The following AGXT2 variants were observed in gnomAD, a reference collection of about 807,000 sequenced individuals.
AGXT2 encodes the protein alanine--glyoxylate aminotransferase 2, mitochondrial.
A neutral mutation model predicts 62.5 loss-of-function variants in AGXT2; 61 were observed. That is an observed-to-expected ratio of 0.98 (90% CI 0.79 to 1.21). The LOEUF (loss-of-function observed/expected upper bound fraction) is 1.21. Among genes scored for constraint, AGXT2 ranks in the 50% most tolerant of loss-of-function variants. The probability of loss-of-function intolerance (pLI) is 0.00; values close to 1 mark genes in which losing one functional copy is unlikely to be tolerated. For synonymous variants in AGXT2, 243 were observed against 218.7 expected, an observed-to-expected ratio of 1.11 and a Z score of -0.98; for missense variants, 666 against 641.5, an observed-to-expected ratio of 1.04 and a Z score of -0.41.
rs760186621 is a variant in AGXT2, at chr5:35,032,797, G to A, written c.704C>T (p.Pro235Leu). 1.2e-6 allele frequency: 2 copies of A among 1,607,580 alleles called. No individual in the cohort carries two copies. The highest frequency in any genetic ancestry group is 8.5e-7 in the Non-Finnish European group (1 of 1,176,934). The change falls in exon 7 of 14, where the codon CCT becomes CTT. Residue 235 changes from proline (P) to leucine (L), a missense_variant. Pro to Leu is a moderately conservative substitution (Grantham distance 98). Transcript: ENST00000231420. ...PTMCPDVFRG[P>L]WGGSHCRDSP... Reference sequence around the variant, plus strand: ...ATCTCGACAGTGGCTTCCTCCCCAAGGGCCACGAAAAACATCTGGACACAT... The same window carrying A: ...ATCTCGACAGTGGCTTCCTCCCCAAAGGCCACGAAAAACATCTGGACACAT...
chr5:35,027,674 AT>A (rs1200783018), intron 7 of AGXT2, among the ~76,000 whole-genome samples: 1 of 151,252 alleles, frequency 6.6e-6, no homozygotes, highest in East Asian at 1.9e-4. Flanking sequence ...GGGGCAGTTT[AT>A]TTTCCTTGGA....
intron 13 of AGXT2, among the ~76,000 whole-genome samples, chr5:35,000,960 C>T (rs925645257): frequency 2.6e-5 from 4 of 152,256 alleles, no homozygotes; most frequent in Middle Eastern, 3.4e-3. Context: ...AGTTTCAGTA[C>T]AGTAGTCAAT....
At chr5:35,032,891 A>C in intron 6 of AGXT2, 66 bp from the exon 7 acceptor site, 8 of 1,300,182 alleles carry the variant, frequency 6.2e-6, no homozygotes, top group East Asian at 2.5e-5. Flanking sequence ...AGGGTAGCAT[A>C]TGGCTGCCAT....
At chr5:35,028,898 C>T (rs1215947905) in intron 7 of AGXT2, among the ~76,000 whole-genome samples, 2 of 152,158 alleles carry the variant, frequency 1.3e-5, no homozygotes, top group African/African-American at 2.4e-5. Context: ...GCTGTCTCCA[C>T]GGTGCTAGAC....
chr5:35,033,742 A>AGC (rs1477350073), intron 5 of AGXT2, among the ~76,000 whole-genome samples, 189 bp from the exon 6 acceptor site: 1 of 17,116 alleles, frequency 5.8e-5, no homozygotes, highest in Non-Finnish European at 3.1e-3. Context: ...GTTGTTAGAA[A>AGC]ACAGATTTGA....
chr5:35,016,264 A>G (rs1312651806), intron 9 of AGXT2, among the ~76,000 whole-genome samples: 5 of 152,098 alleles, frequency 3.3e-5, no homozygotes, highest in Non-Finnish European at 5.9e-5. Context: ...GACTTAATCC[A>G]TTTTGCTCCT....
At chr5:35,025,701 G>T in intron 9 of AGXT2, 62 bp downstream of exon 9, 1 of 1,531,774 alleles carries the variant, frequency 6.5e-7, no homozygotes, top group Non-Finnish European at 9.0e-7. Context: ...AAGTTTAGGA[G>T]GTTTCTGTCT....
Position 35,012,942 on chromosome 5 carries a change from G to C in AGXT2, c.1188+12C>G. The C allele has an allele frequency of 6.4e-7, 1 of 1,551,368 alleles. No homozygotes were observed. The highest frequency in any genetic ancestry group is 8.7e-7 in the Non-Finnish European group (1 of 1,146,690). Reference sequence around the variant, plus strand: ...TGAAATGAGTGAGGTTAATGTGGCCGCTGGAACCAACCTCAAGCACAGCAG... The same window carrying C: ...TGAAATGAGTGAGGTTAATGTGGCCCCTGGAACCAACCTCAAGCACAGCAG... On this transcript the variant is annotated intron_variant, in intron 11 of 13. Transcript: ENST00000231420.
intron 13 of AGXT2, among the ~76,000 whole-genome samples, chr5:35,001,577 G>A (rs1349085062): frequency 6.6e-6 from 1 of 152,130 alleles, no homozygotes; most frequent in Non-Finnish European, 1.5e-5. Context: ...TTATAGGCTT[G>A]TTGGGAGCAT....
chr5:35,036,853 ATCATAAGACT>A, intron 4 of AGXT2, 79 bp downstream of exon 4: 1 of 1,595,826 alleles, frequency 6.3e-7, no homozygotes, highest in South Asian at 1.1e-5. Context: ...CTCCCCTAGA[ATCATAAGACT>A]CCTGTCTCTT....
chr5:35,017,214 G>A (rs1056551678), intron 9 of AGXT2, among the ~76,000 whole-genome samples: 30 of 152,140 alleles, frequency 2.0e-4, no homozygotes, highest in African/African-American at 6.3e-4. Context: ...AGCTTGATAC[G>A]GTGGCTAGTC....
chr5:35,036,879 T>A (rs1323823048), intron 4 of AGXT2, 63 bp downstream of exon 4: 1 of 1,607,984 alleles, frequency 6.2e-7, no homozygotes, highest in East Asian at 2.2e-5. Context: ...CTCTTTGAGC[T>A]GGGAGCATCA....
At chr5:35,031,916 T>C (rs1232241997) in intron 7 of AGXT2, among the ~76,000 whole-genome samples, 1 of 149,050 alleles carries the variant, frequency 6.7e-6, no homozygotes, top group East Asian at 2.0e-4. Flanking sequence ...TGTTGTTTAG[T>C]TTTTTCATTT....
chr5:35,028,475 G>GC, intron 7 of AGXT2, among the ~76,000 whole-genome samples: 1 of 151,852 alleles, frequency 6.6e-6, no homozygotes, highest in South Asian at 2.1e-4. Context: ...TGGGAAGATT[G>GC]CCCAGCAGAC....
At chr5:35,028,858 C>T (rs1413971301) in intron 7 of AGXT2, among the ~76,000 whole-genome samples, 2 of 152,144 alleles carry the variant, frequency 1.3e-5, no homozygotes, top group African/African-American at 4.8e-5. Context: ...ACCTACCATC[C>T]CAGTGCTTGC....
intron 13 of AGXT2, among the ~76,000 whole-genome samples, chr5:35,000,795 A>G (rs995611534): frequency 1.3e-5 from 2 of 152,252 alleles, no homozygotes; most frequent in Admixed American, 6.5e-5. Context: ...GTAAATGCTG[A>G]TGACCTATAA....
At chr5:35,024,943 C>A (rs1287870396) in intron 9 of AGXT2, among the ~76,000 whole-genome samples, 1 of 151,982 alleles carries the variant, frequency 6.6e-6, no homozygotes, top group African/African-American at 2.4e-5. Flanking sequence ...GCACTCCAGC[C>A]TGGGCAACAA....
At chr5:35,033,779 T>C (rs949490395) in intron 5 of AGXT2, among the ~76,000 whole-genome samples, 1 of 152,164 alleles carries the variant, frequency 6.6e-6, no homozygotes, top group Non-Finnish European at 1.5e-5. Context: ...TTGGAGAACA[T>C]TTGTCCAAGA....
chr5:35,040,768 T>C (rs1767955239), intron 1 of AGXT2, 105 bp from the exon 2 acceptor site: 5 of 922,226 alleles, frequency 5.4e-6, no homozygotes, highest in Non-Finnish European at 9.0e-6. Context: ...ATTTTATTTC[T>C]TAGTTAAAAA....
Sources: allele counts gnomAD v4.1 joint callset (sites outside exome capture counted in the v4.1 genomes callset), GRCh38; gene constraint gnomAD v4.1.1; transcripts MANE v1.5; gene names NCBI Gene and HGNC (gene_info 2026-07-23, HGNC 2026-07-21).